Variants in BARX2 observed in about 807,000 individuals in gnomAD.
The protein encoded by BARX2 is homeobox protein BarH-like 2.
Under a neutral mutation model 25.5 loss-of-function variants are expected in BARX2, and 11 were observed. That is an observed-to-expected ratio of 0.43 (90% CI 0.27 to 0.71). The LOEUF (loss-of-function observed/expected upper bound fraction) is 0.71, where lower values mean the gene tolerates loss of function less well. BARX2 is among the 30% of genes least tolerant of loss of function. BARX2 has a pLI of 0.19. For synonymous variants in BARX2, 137 were observed against 149.5 expected, an observed-to-expected ratio of 0.92 and a Z score of 0.61; for missense variants, 360 against 359.9, an observed-to-expected ratio of 1.00 and a Z score of 0.00.
intron 1 of BARX2, among the ~76,000 whole-genome samples, chr11:129,427,711 G>A (rs1862081785): frequency 6.6e-6 from 1 of 152,172 alleles, no homozygotes; most frequent in Non-Finnish European, 1.5e-5. Flanking sequence ...ACTGTACTTG[G>A]GGGATTTTGC....
chr11:129,417,370 C>T (rs572212158), intron 1 of BARX2, among the ~76,000 whole-genome samples: 1 of 152,306 alleles, frequency 6.6e-6, no homozygotes, highest in East Asian at 1.9e-4. Context: ...AGGAATATTT[C>T]TTATCTCCTG....
chr11:129,416,226 G>C (rs940513292), intron 1 of BARX2, among the ~76,000 whole-genome samples: 1 of 152,198 alleles, frequency 6.6e-6, no homozygotes, highest in Non-Finnish European at 1.5e-5. Context: ...ATTTCACCTT[G>C]CAGTGTTTGG....
chr11:129,433,198 T>C (rs922181540), intron 1 of BARX2, among the ~76,000 whole-genome samples: 2 of 152,302 alleles, frequency 1.3e-5, no homozygotes, highest in Middle Eastern at 3.4e-3. Context: ...CTTCCTCCAG[T>C]TGCTAAGACC....
intron 1 of BARX2, among the ~76,000 whole-genome samples, chr11:129,409,242 C>T (rs1861863311): frequency 1.3e-5 from 2 of 152,212 alleles, no homozygotes; most frequent in South Asian, 2.1e-4. Context: ...CCATCCCACC[C>T]ACCGTTCTCT....
chr11:129,405,076 T>C (rs1861816825), intron 1 of BARX2, among the ~76,000 whole-genome samples: 1 of 152,206 alleles, frequency 6.6e-6, no homozygotes, highest in Admixed American at 6.5e-5. Flanking sequence ...CTGAGAGACA[T>C]TTCCATCTGA....
rs186024025 is a variant in BARX2 at position 129,418,172 on chromosome 11, A to G, written c.188-18579A>G. ...AAATTGACTAATCAGGGGAAACCCA[A>G]AGCACTATTGATATCTATCTCTAGG... On this transcript the variant is annotated intron_variant, in intron 1 of 3. Transcript: ENST00000281437. 2.0e-5 allele frequency among the ~76,000 whole-genome samples: 3 copies of G among 152,310 alleles called. No homozygotes were observed. The East Asian group carries it at 5.8e-4, about 29-fold the overall frequency.
At chr11:129,383,787 A>C (rs1159010796) in intron 1 of BARX2, among the ~76,000 whole-genome samples, 1 of 152,174 alleles carries the variant, frequency 6.6e-6, no homozygotes, top group East Asian at 1.9e-4. Context: ...ATTCCTTTTT[A>C]CCGCGTCTTT....
At chr11:129,391,012 G>A (rs926069062) in intron 1 of BARX2, among the ~76,000 whole-genome samples, 2 of 152,130 alleles carry the variant, frequency 1.3e-5, no homozygotes, top group Admixed American at 1.3e-4. Flanking sequence ...GTTTCAATAC[G>A]TCAGTTTCTG....
At chr11:129,424,653 GT>G (rs571242747) in intron 1 of BARX2, among the ~76,000 whole-genome samples, 4 of 152,206 alleles carry the variant, frequency 2.6e-5, no homozygotes, top group African/African-American at 7.2e-5. Flanking sequence ...TAAATAATTA[GT>G]TTTTTTGAGG....
intron 1 of BARX2, among the ~76,000 whole-genome samples, chr11:129,433,788 C>G (rs541974243): frequency 6.6e-6 from 1 of 152,344 alleles, no homozygotes. Flanking sequence ...CATCTTCACA[C>G]TTTGCTGTAT....
At chr11:129,437,625 AC>A in intron 2 of BARX2, 1 of 509,540 alleles carries the variant, frequency 2.0e-6, no homozygotes, top group Non-Finnish European at 2.5e-6. Flanking sequence ...CCTTCTTTGA[AC>A]CCCTCTGAGA....
At position 129,390,268 on chromosome 11, in the gene BARX2, A is replaced by G. The variant is rs908431260; in HGVS notation, c.187+14046A>G. Among the ~76,000 whole-genome samples the G allele has an allele frequency of 6.6e-6, 1 of 152,142 alleles. No individual in the cohort carries two copies. The highest frequency in any genetic ancestry group is 2.4e-5 in the African/African-American group (1 of 41,418). On this transcript the variant is annotated intron_variant, in intron 1 of 3. Transcript: ENST00000281437. The surrounding 1 kb of genome is among the most constrained non-coding windows in gnomAD (Gnocchi z 4.3). ...CAGGTTCTGTGGTGGGTGGGGGCCA[A>G]GTGGGATAAGACAGGTGGATGTGTC...
intron 1 of BARX2, among the ~76,000 whole-genome samples, chr11:129,430,439 A>G (rs941580968): frequency 2.3e-4 from 35 of 152,314 alleles, no homozygotes; most frequent in African/African-American, 8.4e-4. Flanking sequence ...GGTTGAAAGC[A>G]GTGAGGGGAG....
intron 1 of BARX2, among the ~76,000 whole-genome samples, chr11:129,419,817 G>A (rs57299157): frequency 0.038 from 5,822 of 152,018 alleles, 363 homozygotes; most frequent in African/African-American, 0.13. Context: ...GTCTCACTCT[G>A]TCGTCCAGGC....
At chr11:129,427,423 A>C (rs1862076373) in intron 1 of BARX2, among the ~76,000 whole-genome samples, 1 of 152,168 alleles carries the variant, frequency 6.6e-6, no homozygotes, top group Non-Finnish European at 1.5e-5. Context: ...ATAGCTGCCC[A>C]GTTATCCATG....
chr11:129,397,047 G>A (rs1289311571), intron 1 of BARX2, among the ~76,000 whole-genome samples: 1 of 152,168 alleles, frequency 6.6e-6, no homozygotes, highest in Non-Finnish European at 1.5e-5. Context: ...CACTTTGGGA[G>A]GCTGAAGCAG....
intron 1 of BARX2, among the ~76,000 whole-genome samples, chr11:129,377,405 A>G (rs1861515225): frequency 1.3e-5 from 2 of 152,252 alleles, no homozygotes; most frequent in African/African-American, 4.8e-5. Context: ...AATTGTTCCT[A>G]CATGTATTTG....
At chr11:129,403,940 A>G (rs549126550) in intron 1 of BARX2, among the ~76,000 whole-genome samples, 2 of 152,264 alleles carry the variant, frequency 1.3e-5, no homozygotes, top group South Asian at 4.1e-4. Context: ...TGCCCAGGCT[A>G]ACTAGTACTT....
chr11:129,392,917 T>C (rs1351318939), intron 1 of BARX2, among the ~76,000 whole-genome samples: 1 of 152,078 alleles, frequency 6.6e-6, no homozygotes, highest in African/African-American at 2.4e-5. Context: ...GGCTAACTTG[T>C]TTAATTATAC....
Sources: allele counts gnomAD v4.1 joint callset (sites outside exome capture counted in the v4.1 genomes callset), GRCh38; gene constraint gnomAD v4.1.1; non-coding constraint Gnocchi (gnomAD v3.1); transcripts MANE v1.5; gene names NCBI Gene and HGNC (gene_info 2026-07-23, HGNC 2026-07-21).